The following C8orf34 variants were observed in gnomAD, a reference collection of about 807,000 sequenced individuals.
C8orf34 encodes the protein uncharacterized protein C8orf34.
In C8orf34, 65 loss-of-function variants were observed where a neutral mutation model predicts 68.3. That is an observed-to-expected ratio of 0.95 (90% CI 0.78 to 1.17). The LOEUF (loss-of-function observed/expected upper bound fraction) is 1.17, where lower values mean the gene tolerates loss of function less well. Among genes scored for constraint, C8orf34 ranks in the 50% most tolerant of loss-of-function variants. The pLI, the probability that C8orf34 is intolerant of heterozygous loss-of-function variation, is 0.00. For missense variants in C8orf34, 664 were observed against 655.4 expected (o/e 1.01, Z -0.14); for synonymous variants, 244 against 241.2 (o/e 1.01, Z -0.11).
At chr8:68,484,935 A>T (rs1018716785) in intron 4 of C8orf34, among the ~76,000 whole-genome samples, 1 of 152,260 alleles carries the variant, frequency 6.6e-6, no homozygotes, top group Admixed American at 6.5e-5. Context: ...TTAAGAAAAT[A>T]TGATAATAAG....
chr8:68,454,170 A>G (rs1205369008), intron 3 of C8orf34, among the ~76,000 whole-genome samples: 2 of 152,026 alleles, frequency 1.3e-5, no homozygotes, highest in African/African-American at 4.8e-5. Flanking sequence ...TTAGTTTGTT[A>G]GTCTTTTATT....
At chr8:68,373,973 T>G (rs1222563428) in intron 1 of C8orf34, among the ~76,000 whole-genome samples, 2 of 152,222 alleles carry the variant, frequency 1.3e-5, no homozygotes, top group Non-Finnish European at 2.9e-5. Context: ...TAAAGCACAA[T>G]GGCATGATTA....
intron 4 of C8orf34, among the ~76,000 whole-genome samples, chr8:68,481,454 C>G (rs1178490484): frequency 6.6e-6 from 1 of 152,214 alleles, no homozygotes. Flanking sequence ...GGACCACCAT[C>G]CTCCAGACCC....
intron 7 of C8orf34, among the ~76,000 whole-genome samples, chr8:68,552,898 C>T (rs56071896): frequency 6.6e-6 from 1 of 151,916 alleles, no homozygotes; most frequent in Non-Finnish European, 1.5e-5. Flanking sequence ...CCTTGTATTT[C>T]AGGGATAAAT....
At chr8:68,642,095 A>T (rs1056945020) in intron 8 of C8orf34, among the ~76,000 whole-genome samples, 1 of 152,238 alleles carries the variant, frequency 6.6e-6, no homozygotes, top group African/African-American at 2.4e-5. Context: ...CAATAGGTAG[A>T]AAAACACAGT....
At chr8:68,702,493 CA>C (rs1424185156) in intron 8 of C8orf34, among the ~76,000 whole-genome samples, 1 of 151,918 alleles carries the variant, frequency 6.6e-6, no homozygotes, top group Non-Finnish European at 1.5e-5. Flanking sequence ...TTATTCAATT[CA>C]AAAAAACATT....
chr8:68,426,561 A>G (rs1196849466), intron 1 of C8orf34, among the ~76,000 whole-genome samples: 1 of 151,384 alleles, frequency 6.6e-6, no homozygotes, highest in Non-Finnish European at 1.5e-5. Flanking sequence ...AAAAAAGCAA[A>G]AAAGAAAACT....
intron 4 of C8orf34, among the ~76,000 whole-genome samples, chr8:68,486,935 C>G (rs4563872): frequency 6.6e-6 from 1 of 151,886 alleles, no homozygotes; most frequent in Non-Finnish European, 1.5e-5. Context: ...CACCAACCCC[C>G]CTTTGCTCTG....
chr8:68,572,137 C>G (rs1816776405), intron 7 of C8orf34, among the ~76,000 whole-genome samples: 5 of 151,672 alleles, frequency 3.3e-5, no homozygotes, highest in Admixed American at 2.6e-4. Flanking sequence ...CATAGAAAAG[C>G]TGCAGTAAAA....
chr8:68,706,218 A>C (rs1319260690), intron 8 of C8orf34, among the ~76,000 whole-genome samples: 1 of 152,212 alleles, frequency 6.6e-6, no homozygotes. Context: ...GGGTTAATAT[A>C]GGTTTGGAGT....
chr8:68,601,226 A>G (rs1817688786), intron 7 of C8orf34, among the ~76,000 whole-genome samples: 1 of 151,872 alleles, frequency 6.6e-6, no homozygotes, highest in Non-Finnish European at 1.5e-5. Context: ...GTGTCTTGGT[A>G]TGGATTTCTT....
At chr8:68,533,174 T>G in intron 7 of C8orf34, 25 bp downstream of exon 7, 1 of 1,551,446 alleles carries the variant, frequency 6.4e-7, no homozygotes, top group Non-Finnish European at 8.7e-7. Flanking sequence ...TAATAATTTC[T>G]CATTTTCTTC....
chr8:68,797,907 G>T (rs932734582), intron 12 of C8orf34, among the ~76,000 whole-genome samples: 2 of 152,116 alleles, frequency 1.3e-5, no homozygotes, highest in Non-Finnish European at 2.9e-5. Flanking sequence ...GTATTTAAAG[G>T]TCAGCTAGGG....
chr8:68,441,770 T>C (rs187750803), intron 2 of C8orf34, among the ~76,000 whole-genome samples: 2 of 152,332 alleles, frequency 1.3e-5, no homozygotes, highest in East Asian at 3.9e-4. Flanking sequence ...CTCATCACCT[T>C]TGCTATATTC....
intron 8 of C8orf34, among the ~76,000 whole-genome samples, chr8:68,702,859 CCCT>C (rs1429623463): frequency 6.6e-6 from 1 of 152,082 alleles, no homozygotes; most frequent in East Asian, 1.9e-4. Context: ...ATTTAAAACT[CCCT>C]CCTCATTATG....
intron 7 of C8orf34, among the ~76,000 whole-genome samples, chr8:68,555,358 A>T (rs961764134): frequency 3.2e-4 from 48 of 152,218 alleles, no homozygotes; most frequent in African/African-American, 1.1e-3. Context: ...TAGCAATAAG[A>T]AGCATTTTAT....
chr8:68,715,977 A>G (rs965233177), intron 9 of C8orf34, among the ~76,000 whole-genome samples: 1 of 152,286 alleles, frequency 6.6e-6, no homozygotes, highest in South Asian at 2.1e-4. Flanking sequence ...ATGAAATACT[A>G]CTCAACTTTA....
At chr8:68,659,921 C>A (rs542949965) in intron 8 of C8orf34, among the ~76,000 whole-genome samples, 2 of 151,998 alleles carry the variant, frequency 1.3e-5, no homozygotes, top group African/African-American at 2.4e-5. Context: ...ACAACAATTG[C>A]GAATGACAAA....
chr8:68,741,459 G>A (rs1822291542), intron 10 of C8orf34, among the ~76,000 whole-genome samples: 1 of 152,060 alleles, frequency 6.6e-6, no homozygotes, highest in African/African-American at 2.4e-5. Flanking sequence ...TATTCTTCAT[G>A]TTACAAATAA....
Sources: gnomAD v4.1 joint callset for allele counts (sites outside exome capture counted in the v4.1 genomes callset) on GRCh38, gnomAD v4.1.1 for gene constraint, MANE v1.5 for transcripts, NCBI Gene and HGNC (gene_info 2026-07-23, HGNC 2026-07-21) for gene names.